Variants in PARD3 observed in about 807,000 individuals in gnomAD.
PARD3 encodes partitioning defective 3 homolog.
PARD3 carries 75 observed loss-of-function variants against 155.4 expected under a neutral mutation model. That is an observed-to-expected ratio of 0.48 (90% CI 0.40 to 0.58). The LOEUF (loss-of-function observed/expected upper bound fraction) is 0.58. Among genes scored for constraint, PARD3 ranks in the 20% least tolerant of loss-of-function variants. The pLI is 0.00. For missense variants in PARD3, 1,642 were observed against 1,721.7 expected (o/e 0.95, Z 0.82); for synonymous variants, 576 against 610.5 (o/e 0.94, Z 0.83).
chr10:34,628,837 G>A (rs1312526527), intron 2 of PARD3, among the ~76,000 whole-genome samples: 1 of 152,114 alleles, frequency 6.6e-6, no homozygotes, highest in Non-Finnish European at 1.5e-5. Flanking sequence ...GAAAAATGAC[G>A]AACAAGAAAC....
At chr10:34,326,118 C>A (rs893117422) in intron 19 of PARD3, among the ~76,000 whole-genome samples, 1 of 143,588 alleles carries the variant, frequency 7.0e-6, no homozygotes, top group Admixed American at 6.9e-5. Flanking sequence ...CAGAGTGACA[C>A]TCTTTCTAAA....
At chr10:34,510,208 C>T (rs907797502) in intron 3 of PARD3, among the ~76,000 whole-genome samples, 1 of 152,170 alleles carries the variant, frequency 6.6e-6, no homozygotes, top group Non-Finnish European at 1.5e-5. Context: ...ACCATATATG[C>T]CCCTCTTCTA....
intron 7 of PARD3, among the ~76,000 whole-genome samples, chr10:34,396,115 T>A (rs1050253700): frequency 2.6e-5 from 4 of 152,282 alleles, no homozygotes; most frequent in African/African-American, 9.6e-5. Context: ...TTTGGGAGGC[T>A]GAGGCCGGCG....
intron 2 of PARD3, among the ~76,000 whole-genome samples, chr10:34,638,460 A>G (rs749721155): frequency 3.9e-5 from 6 of 152,222 alleles, no homozygotes; most frequent in Non-Finnish European, 7.3e-5. Context: ...GGAAACAGCA[A>G]TATCTTCTGT....
intron 19 of PARD3, among the ~76,000 whole-genome samples, chr10:34,325,785 G>C (rs555667460): frequency 3.9e-5 from 6 of 152,038 alleles, no homozygotes; most frequent in African/African-American, 1.4e-4. Flanking sequence ...CTAAGATTCA[G>C]TTCCTAAGTG....
chr10:34,317,463 T>C, intron 19 of PARD3, 125 bp from the exon 20 acceptor site: 1 of 912,182 alleles, frequency 1.1e-6, no homozygotes. Flanking sequence ...GCTAGCAACA[T>C]GGACTGCAAT....
intron 2 of PARD3, among the ~76,000 whole-genome samples, chr10:34,636,106 GGAA>G (rs1018626191): frequency 6.6e-6 from 1 of 152,094 alleles, no homozygotes; most frequent in African/African-American, 2.4e-5. Context: ...GAAGACGGAA[GGAA>G]GAAGGAAGAA....
intron 2 of PARD3, among the ~76,000 whole-genome samples, chr10:34,543,200 G>C (rs1267521323): frequency 6.6e-6 from 1 of 152,000 alleles, no homozygotes; most frequent in African/African-American, 2.4e-5. Flanking sequence ...GAGCCTAGAA[G>C]GTTGAGGCTA....
chr10:34,600,552 C>T (rs2089675676), intron 2 of PARD3, among the ~76,000 whole-genome samples: 1 of 152,018 alleles, frequency 6.6e-6, no homozygotes, highest in Non-Finnish European at 1.5e-5. Flanking sequence ...GGGACATGTT[C>T]AGAGCAGGAC....
chr10:34,312,320 T>G, intron 20 of PARD3: 1 of 1,610,124 alleles, frequency 6.2e-7, no homozygotes, highest in Non-Finnish European at 8.5e-7. Context: ...CAATATGTGC[T>G]GTTCAAGACA....
In PARD3 at chr10:34,448,405, A is replaced by C. The variant is rs1012103146; in HGVS notation, c.714+1912T>G. ...GGAGTTGGGTGTGGAAAAAGGAAAA[A>C]TATTGGCCATAGGGTAAAAACTTTC... On this transcript the variant is annotated intron_variant, in intron 5 of 24. Coordinates refer to ENST00000374788, the MANE Select transcript of PARD3 (RefSeq NM_001184785.2). Among the ~76,000 whole-genome samples the C allele has an allele frequency of 2.0e-5, 3 of 152,158 alleles. No homozygotes were observed. In the South Asian group the frequency reaches 6.2e-4, roughly 32 times the overall value.
intron 16 of PARD3, among the ~76,000 whole-genome samples, chr10:34,340,969 G>A (rs1003918177): frequency 1.3e-4 from 20 of 152,086 alleles, no homozygotes; most frequent in African/African-American, 4.8e-4. Flanking sequence ...TCGTCCCCAA[G>A]AGGAGCTCTG....
chr10:34,622,061 T>C (rs2091711096), intron 2 of PARD3, among the ~76,000 whole-genome samples: 1 of 152,218 alleles, frequency 6.6e-6, no homozygotes, highest in Non-Finnish European at 1.5e-5. Context: ...TTCCTATACC[T>C]GCCATCGATT....
At chr10:34,763,229 G>A (rs1014191764) in intron 1 of PARD3, among the ~76,000 whole-genome samples, 1 of 152,204 alleles carries the variant, frequency 6.6e-6, no homozygotes, top group Non-Finnish European at 1.5e-5. Context: ...CCAGACACTC[G>A]GGTCAGAAAT....
intron 20 of PARD3, 95 bp from the exon 21 acceptor site, chr10:34,284,340 G>A: frequency 5.7e-6 from 4 of 696,260 alleles, no homozygotes; most frequent in South Asian, 1.9e-5. Context: ...ATGAATGTTA[G>A]CTTCTTCAAA....
At chr10:34,142,495 A>G (rs2132875129) in intron 22 of PARD3, among the ~76,000 whole-genome samples, 1 of 152,120 alleles carries the variant, frequency 6.6e-6, no homozygotes. Flanking sequence ...TGATTGCACC[A>G]CTGCACTCTA....
chr10:34,554,865 A>C lies in PARD3; in HGVS notation c.223-37706T>G, dbSNP rs550118391. Among the ~76,000 whole-genome samples, 6 of 152,320 alleles carry C rather than the reference A, an allele frequency of 3.9e-5. No homozygotes were observed. The South Asian group carries it at 1.2e-3, about 32-fold the overall frequency. ...GGCATTCATTCATGAAGAAATACCT[A>C]GACATCGAATACTAAAATACTGAGA... On this transcript the variant is annotated intron_variant, in intron 2 of 24. Transcript: ENST00000374788.
At chr10:34,174,274 A>G (rs1949938063) in intron 22 of PARD3, among the ~76,000 whole-genome samples, 1 of 152,194 alleles carries the variant, frequency 6.6e-6, no homozygotes, top group Non-Finnish European at 1.5e-5. Context: ...ATGCATGACT[A>G]CTGCGTTAGG....
Position 34,544,152 on chromosome 10 carries a change from A to AAAGAAAAGT in PARD3, c.223-26994_223-26993insACTTTTCTT, listed in dbSNP as rs2083863006. ...ATCCTAGCCTAACTTTTCTTTTTGA[A>AAAGAAAAGT]TTCTGCATCTATTAACACTTAAAAT... is the stretch of plus-strand genomic sequence containing the variant. On this transcript the variant is annotated intron_variant, in intron 2 of 24. Transcript: ENST00000374788. 2.6e-5 allele frequency among the ~76,000 whole-genome samples: 4 copies of AAAGAAAAGT among 152,334 alleles called. No individual in the cohort carries two copies. The South Asian group carries it at 8.3e-4, about 32-fold the overall frequency.
Sources: allele counts gnomAD v4.1 joint callset (sites outside exome capture counted in the v4.1 genomes callset), GRCh38; gene constraint gnomAD v4.1.1; transcripts MANE v1.5; gene names NCBI Gene and HGNC (gene_info 2026-07-23, HGNC 2026-07-21).